TMEM178B: variants seen among roughly 807,000 people sequenced by gnomAD.
TMEM178B encodes the protein transmembrane protein 178B.
In TMEM178B, 5 loss-of-function variants were observed where a neutral mutation model predicts 31.0. The ratio of observed to expected loss-of-function variants is 0.16; its 90% CI spans 0.08 to 0.34. TMEM178B has a LOEUF of 0.34. Among genes scored for constraint, TMEM178B ranks in the 10% least tolerant of loss-of-function variants. The probability of loss-of-function intolerance (pLI) is 1.00; values close to 1 mark genes in which losing one functional copy is unlikely to be tolerated. For synonymous variants in TMEM178B, 164 were observed against 164.0 expected (o/e 1.00, Z 0.00); for missense variants, 275 against 400.3 (o/e 0.69, Z 2.67).
the TMEM178B span, among the ~76,000 whole-genome samples, chr7:141,510,190 G>A: frequency 6.6e-6 from 1 of 152,202 alleles, no homozygotes; most frequent in Non-Finnish European, 1.5e-5. Flanking sequence ...GTTGGGCCCT[G>A]CAGCATCCAG....
chr7:141,188,767 G>C (rs1029627090), intron 1 of TMEM178B, among the ~76,000 whole-genome samples: 2 of 152,216 alleles, frequency 1.3e-5, no homozygotes, highest in Non-Finnish European at 2.9e-5. Flanking sequence ...TCACACGAGA[G>C]GACACACAAA....
chr7:141,256,632 A>G (rs765188253), intron 2 of TMEM178B, among the ~76,000 whole-genome samples: 3 of 152,184 alleles, frequency 2.0e-5, no homozygotes, highest in Non-Finnish European at 4.4e-5. Flanking sequence ...GAACTGACAT[A>G]ATAAGATATA....
chr7:141,121,730 T>G (rs1438495860), intron 1 of TMEM178B, among the ~76,000 whole-genome samples: 1 of 152,170 alleles, frequency 6.6e-6, no homozygotes. Flanking sequence ...ATGCGATGAC[T>G]CTTAGATTGT....
chr7:141,161,153 C>G (rs1796165628), intron 1 of TMEM178B, among the ~76,000 whole-genome samples: 2 of 152,172 alleles, frequency 1.3e-5, no homozygotes, highest in Admixed American at 1.3e-4. Context: ...CTGCGCCCGG[C>G]CTGGATTTCT....
At chr7:141,087,399 C>T (rs1298156337) in intron 1 of TMEM178B, among the ~76,000 whole-genome samples, 1 of 152,098 alleles carries the variant, frequency 6.6e-6, no homozygotes, top group African/African-American at 2.4e-5. Flanking sequence ...GTCATTCCAG[C>T]CCCTTTTAAA....
chr7:141,204,472 C>T (rs1236116882), intron 1 of TMEM178B, among the ~76,000 whole-genome samples: 1 of 152,178 alleles, frequency 6.6e-6, no homozygotes, highest in Non-Finnish European at 1.5e-5. Context: ...TCAGCTTTCC[C>T]AGGAGCGTCC....
chr7:141,241,483 G>A (rs1359018823), intron 2 of TMEM178B, among the ~76,000 whole-genome samples: 1 of 151,588 alleles, frequency 6.6e-6, no homozygotes, highest in South Asian at 2.1e-4. Context: ...CCAGCTACTC[G>A]GGAGGCTGAG....
At chr7:141,327,699 G>C (rs184242810) in intron 2 of TMEM178B, among the ~76,000 whole-genome samples, 1 of 152,138 alleles carries the variant, frequency 6.6e-6, no homozygotes, top group Non-Finnish European at 1.5e-5. Context: ...GAGGTGTTTA[G>C]GTCATAAAGG....
chr7:141,261,983 C>G (rs1001431141), intron 2 of TMEM178B, among the ~76,000 whole-genome samples: 6 of 152,062 alleles, frequency 3.9e-5, no homozygotes, highest in African/African-American at 9.7e-5. Flanking sequence ...GAAAAGAGCC[C>G]TAGAGACTTA....
chr7:141,304,010 T>C (rs186695575), intron 2 of TMEM178B, among the ~76,000 whole-genome samples: 1 of 152,292 alleles, frequency 6.6e-6, no homozygotes, highest in East Asian at 1.9e-4. Flanking sequence ...AGAAACCAGA[T>C]TTCAATCAAT....
chr7:141,100,291 T>C (rs944492160), intron 1 of TMEM178B, among the ~76,000 whole-genome samples: 2 of 152,166 alleles, frequency 1.3e-5, no homozygotes, highest in African/African-American at 4.8e-5. Flanking sequence ...GGATTGGGAA[T>C]TACTGGATAC....
At chr7:141,150,810 TCA>T (rs1014626854) in intron 1 of TMEM178B, among the ~76,000 whole-genome samples, 1 of 152,218 alleles carries the variant, frequency 6.6e-6, no homozygotes, top group African/African-American at 2.4e-5. Context: ...TTGTTTTAAG[TCA>T]CATACTTTTG....
chr7:141,224,570 A>G (rs774361048), intron 2 of TMEM178B, among the ~76,000 whole-genome samples: 1 of 152,172 alleles, frequency 6.6e-6, no homozygotes, highest in Non-Finnish European at 1.5e-5. Flanking sequence ...GGGTGTTACT[A>G]GGCCTTTCTG....
chr7:141,324,086 A>T (rs1277318505), intron 2 of TMEM178B, among the ~76,000 whole-genome samples: 1 of 152,050 alleles, frequency 6.6e-6, no homozygotes, highest in Non-Finnish European at 1.5e-5. Flanking sequence ...AGTAAGAGAG[A>T]GCTTAGTGGG....
intron 1 of TMEM178B, among the ~76,000 whole-genome samples, chr7:141,138,877 G>T (rs1014131939): frequency 2.6e-5 from 4 of 151,904 alleles, no homozygotes; most frequent in Non-Finnish European, 4.4e-5. Context: ...CCAGCTACTC[G>T]GGAGGCTGAG....
chr7:141,330,852 G>A (rs1233152833), intron 2 of TMEM178B, among the ~76,000 whole-genome samples: 1 of 152,204 alleles, frequency 6.6e-6, no homozygotes, highest in Non-Finnish European at 1.5e-5. Context: ...AATAATCTAG[G>A]CAAGGGATGA....
At chr7:141,377,932 A>T (rs116411068) in intron 2 of TMEM178B, among the ~76,000 whole-genome samples, 2,360 of 152,248 alleles carry the variant, frequency 0.016, 80 homozygotes, top group African/African-American at 0.053. Flanking sequence ...AAACTAAGAA[A>T]TTACCATTGG....
intron 1 of TMEM178B, among the ~76,000 whole-genome samples, chr7:141,137,598 G>C (rs1383931382): frequency 6.6e-6 from 1 of 152,166 alleles, no homozygotes. Flanking sequence ...CTAAGTTCTA[G>C]TGTTTGAAAA....
chr7:141,167,894 C>T (rs1372742919), intron 1 of TMEM178B, among the ~76,000 whole-genome samples: 1 of 152,220 alleles, frequency 6.6e-6, no homozygotes, highest in East Asian at 1.9e-4. Flanking sequence ...ACCAGCATCC[C>T]ACCTTATATT....
Sources: allele counts gnomAD v4.1 joint callset (sites outside exome capture counted in the v4.1 genomes callset), GRCh38; gene constraint gnomAD v4.1.1; transcripts MANE v1.5; gene names NCBI Gene and HGNC (gene_info 2026-07-23, HGNC 2026-07-21).